CTNNA2: variants seen among roughly 807,000 people sequenced by gnomAD.
CTNNA2 encodes the protein catenin alpha 2.
A neutral mutation model predicts 101.0 loss-of-function variants in CTNNA2; 42 were observed. The ratio of observed to expected loss-of-function variants is 0.42; its 90% CI spans 0.32 to 0.54. CTNNA2 has a LOEUF of 0.54. CTNNA2 is among the 20% of genes least tolerant of loss of function. The pLI is 0.14. For synonymous variants in CTNNA2, 450 were observed against 456.4 expected, an observed-to-expected ratio of 0.99 and a Z score of 0.18; for missense variants, 871 against 1,223.1, an observed-to-expected ratio of 0.71 and a Z score of 4.29.
intron 3 of CTNNA2, among the ~76,000 whole-genome samples, chr2:79,782,556 G>A (rs1439147775): frequency 3.3e-5 from 5 of 152,128 alleles, no homozygotes; most frequent in Non-Finnish European, 7.4e-5. Context: ...TCTTTTAGAT[G>A]TGCTCTCAAC....
intron 9 of CTNNA2, among the ~76,000 whole-genome samples, chr2:80,501,047 C>G (rs1348117267): frequency 6.6e-6 from 1 of 152,218 alleles, no homozygotes; most frequent in Non-Finnish European, 1.5e-5. Context: ...TTGAGCCAGA[C>G]AGGAATTCTT....
chr2:79,435,317 A>G (rs1290620257), intron 4 of CTNNA2, among the ~76,000 whole-genome samples: 6 of 152,188 alleles, frequency 3.9e-5, no homozygotes, highest in African/African-American at 1.4e-4. Context: ...CTTAATGTTC[A>G]GAGTGCAGAG....
At chr2:80,647,407 C>T (rs1674225377) in intron 18 of CTNNA2, among the ~76,000 whole-genome samples, 178 bp from the exon 19 acceptor site, 2 of 152,074 alleles carry the variant, frequency 1.3e-5, no homozygotes. Context: ...AAGATGAGGG[C>T]TTTGCCATTA....
chr2:79,787,254 T>C (rs776048311), intron 3 of CTNNA2, among the ~76,000 whole-genome samples: 12 of 152,186 alleles, frequency 7.9e-5, no homozygotes, highest in Non-Finnish European at 1.3e-4. Context: ...CTTATAACTT[T>C]TTTCAACTTT....
chr2:79,410,889 T>G (rs990474023), intron 4 of CTNNA2, among the ~76,000 whole-genome samples: 1 of 152,098 alleles, frequency 6.6e-6, no homozygotes, highest in Admixed American at 6.6e-5. Flanking sequence ...CAGTTCTTCC[T>G]TGTACCTCTG....
intron 7 of CTNNA2, among the ~76,000 whole-genome samples, chr2:80,176,528 C>T (rs1025413086): frequency 2.0e-5 from 3 of 152,194 alleles, no homozygotes; most frequent in Non-Finnish European, 2.9e-5. Flanking sequence ...TTCCTTTTGC[C>T]TTCAGCAATC....
rs1413474943 is a variant in CTNNA2 at position 80,574,262 on chromosome 2, G to A, written c.1841G>A (p.Arg614His). ...FEENEFIDAS[R>H]LVYDGVRDIR... ...GAGAATGAGTTCATCGATGCCTCTC[G>A]CCTGGTGTATGATGGCGTTCGGGAC... Residue 614 changes from arginine to histidine, a missense_variant, in exon 13 of 19, where the codon CGC becomes CAC. Physicochemically the swap from Arg to His is conservative, Grantham distance 29. Around this residue, in one of 5 missense-constraint regions of CTNNA2, gnomAD observed 647 missense variants for 831.5 expected, o/e 0.78. Transcript: ENST00000402739. The A allele has an allele frequency of 1.9e-6, 3 of 1,613,672 alleles. No individual in the cohort carries two copies. Among genetic ancestry groups the A allele is most frequent in the Non-Finnish European group, 2.5e-6 (3 of 1,179,722 alleles).
At chr2:79,276,533 T>A (rs549129729) in intron 2 of CTNNA2, among the ~76,000 whole-genome samples, 2 of 152,118 alleles carry the variant, frequency 1.3e-5, no homozygotes, top group Non-Finnish European at 2.9e-5. Flanking sequence ...TTGTCTGATA[T>A]TGATATTGCC....
intron 3 of CTNNA2, among the ~76,000 whole-genome samples, chr2:79,357,364 G>T (rs1248116439): frequency 6.6e-6 from 1 of 152,076 alleles, no homozygotes; most frequent in East Asian, 1.9e-4. Flanking sequence ...TCATATCAAA[G>T]CTGGCTAAGC....
At chr2:80,607,984 T>A (rs1188417824) in intron 16 of CTNNA2, among the ~76,000 whole-genome samples, 200 bp from the exon 17 acceptor site, 1 of 151,874 alleles carries the variant, frequency 6.6e-6, no homozygotes, top group African/African-American at 2.4e-5. Flanking sequence ...TTTCTTCTGA[T>A]AAAATTTTAT....
At chr2:79,404,873 TG>T (rs1678325447) in intron 4 of CTNNA2, among the ~76,000 whole-genome samples, 1 of 152,066 alleles carries the variant, frequency 6.6e-6, no homozygotes, top group African/African-American at 2.4e-5. Flanking sequence ...AATGTGGATA[TG>T]ATTTGTAACT....
intron 4 of CTNNA2, among the ~76,000 whole-genome samples, chr2:79,395,859 G>A (rs1336485581): frequency 2.6e-5 from 4 of 152,114 alleles, no homozygotes; most frequent in African/African-American, 7.2e-5. Flanking sequence ...CTGGAGTGCT[G>A]TCTGTGAAAT....
chr2:79,396,434 C>A (rs772011701), intron 4 of CTNNA2, among the ~76,000 whole-genome samples: 23 of 152,186 alleles, frequency 1.5e-4, no homozygotes, highest in Non-Finnish European at 3.2e-4. Context: ...GCTGGGATTA[C>A]AAGCATTGAA....
chr2:79,286,989 G>A (rs1283609722), intron 2 of CTNNA2, among the ~76,000 whole-genome samples: 3 of 151,886 alleles, frequency 2.0e-5, no homozygotes, highest in African/African-American at 7.3e-5. Flanking sequence ...TTCCCTTCTT[G>A]CTTCATTTCA....
intron 3 of CTNNA2, among the ~76,000 whole-genome samples, chr2:79,821,074 A>G (rs1033173164): frequency 2.0e-5 from 3 of 152,234 alleles, no homozygotes; most frequent in Non-Finnish European, 4.4e-5. Flanking sequence ...AACATTTTGT[A>G]GATATCTAAA....
intron 4 of CTNNA2, among the ~76,000 whole-genome samples, chr2:79,378,532 A>G (rs1263042854): frequency 6.6e-6 from 1 of 152,166 alleles, no homozygotes; most frequent in Non-Finnish European, 1.5e-5. Flanking sequence ...CATAGTACCT[A>G]ACAACATGGA....
intron 3 of CTNNA2, among the ~76,000 whole-genome samples, chr2:79,790,319 G>A (rs953081152): frequency 6.6e-6 from 1 of 152,128 alleles, no homozygotes; most frequent in African/African-American, 2.4e-5. Flanking sequence ...ACTAGAGAGA[G>A]GGAGGAGTTG....
At chr2:79,983,199 A>G (rs1461465447) in intron 7 of CTNNA2, among the ~76,000 whole-genome samples, 3 of 149,208 alleles carry the variant, frequency 2.0e-5, no homozygotes, top group Admixed American at 6.7e-5. Flanking sequence ...ATATTCATAT[A>G]CCTATATTAA....
intron 2 of CTNNA2, among the ~76,000 whole-genome samples, chr2:79,224,183 G>A (rs1216047514): frequency 6.6e-6 from 1 of 152,122 alleles, no homozygotes; most frequent in Admixed American, 6.6e-5. Flanking sequence ...ATCTGCTGGT[G>A]CATAAAGGGT....
Sources: gnomAD v4.1 joint callset for allele counts (sites outside exome capture counted in the v4.1 genomes callset) on GRCh38, gnomAD v4.1.1 for gene constraint, gnomAD v4.1.1 regional missense constraint, MANE v1.5 for transcripts, NCBI Gene and HGNC (gene_info 2026-07-23, HGNC 2026-07-21) for gene names.